The following PARVB variants were observed in gnomAD, a reference collection of about 807,000 sequenced individuals.
The protein encoded by PARVB is parvin beta, also known as beta-parvin.
PARVB carries 46 observed loss-of-function variants against 47.0 expected under a neutral mutation model. The observed-to-expected ratio is 0.98, with a 90% CI of 0.77 to 1.25. PARVB has a LOEUF of 1.25. Among genes scored for constraint, PARVB ranks in the 50% most tolerant of loss-of-function variants. The pLI, the probability that PARVB is intolerant of heterozygous loss-of-function variation, is 0.00. For synonymous variants in PARVB, 196 were observed against 196.3 expected (o/e 1.00, Z 0.01); for missense variants, 473 against 471.6 (o/e 1.00, Z -0.03).
At chr22:44,009,705 AC>A (rs2050502615) in intron 2 of PARVB, among the ~76,000 whole-genome samples, 1 of 151,268 alleles carries the variant, frequency 6.6e-6, no homozygotes, top group Admixed American at 6.6e-5. Context: ...CCATTATTTA[AC>A]CCTTTAAAAA....
Position 44,075,248 on chromosome 22 carries a change from A to C in PARVB, c.113-18680A>C, listed in dbSNP as rs144154587. Among the ~76,000 whole-genome samples, 228 of 152,324 alleles carry C rather than the reference A, an allele frequency of 1.5e-3. 1 individual carries two copies. The highest frequency in any genetic ancestry group is 5.2e-3 in the African/African-American group (216 of 41,582). Reference sequence around the variant, plus strand: ...AACACGCACGCACATGCACGCATGCATACACTCACTCATATGCACACATGT... The same window carrying C: ...AACACGCACGCACATGCACGCATGCCTACACTCACTCATATGCACACATGT... On this transcript the variant is annotated intron_variant, in intron 1 of 12. Coordinates refer to ENST00000338758, the MANE Select transcript of PARVB (RefSeq NM_013327.5).
chr22:44,058,982 G>T (rs183761543), intron 1 of PARVB, among the ~76,000 whole-genome samples: 5 of 71,682 alleles, frequency 7.0e-5, no homozygotes, highest in African/African-American at 2.1e-4. Context: ...GGGTGTGATG[G>T]GGGGGGGAAA....
At chr22:44,105,742 C>A (rs915007784) in intron 3 of PARVB, 2 of 152,224 alleles carry the variant, frequency 1.3e-5, no homozygotes, top group African/African-American at 4.8e-5. Context: ...GCAGCACCAA[C>A]ATGAGGTTCA....
intron 3 of PARVB, among the ~76,000 whole-genome samples, chr22:44,102,557 G>C (rs2052473115): frequency 6.6e-6 from 1 of 152,156 alleles, no homozygotes; most frequent in Non-Finnish European, 1.5e-5. Flanking sequence ...AGGTGAAGGG[G>C]CTGGGCGCCA....
intron 2 of PARVB, among the ~76,000 whole-genome samples, chr22:44,006,911 T>TG (rs1401087462): frequency 6.6e-6 from 1 of 152,222 alleles, no homozygotes; most frequent in Non-Finnish European, 1.5e-5. Flanking sequence ...CCCCCTGTCA[T>TG]GCCCCGTGTG....
At chr22:44,030,512 AC>A (rs374576126) in intron 1 of PARVB, among the ~76,000 whole-genome samples, 52 of 151,200 alleles carry the variant, frequency 3.4e-4, no homozygotes, top group African/African-American at 1.2e-3. Flanking sequence ...GGAGCTTGGA[AC>A]CCTTGCTGGG....
At chr22:44,090,836 C>T (rs986033705) in intron 1 of PARVB, among the ~76,000 whole-genome samples, 1 of 152,228 alleles carries the variant, frequency 6.6e-6, no homozygotes, top group East Asian at 1.9e-4. Context: ...ATGGAACTTC[C>T]ACCCCGACCC....
chr22:44,026,430 G>A (rs1454603174), intron 1 of PARVB: 1 of 804,370 alleles, frequency 1.2e-6, no homozygotes, highest in Non-Finnish European at 1.5e-6. Flanking sequence ...GGCAAACAGA[G>A]GGCCACAAAC....
chr22:44,167,134 C>T (rs542973150), intron 12 of PARVB, among the ~76,000 whole-genome samples: 8 of 151,990 alleles, frequency 5.3e-5, no homozygotes, highest in Admixed American at 4.6e-4. Flanking sequence ...GGCCCCCTGC[C>T]CCCTTGTGGG....
chr22:44,070,477 G>C (rs1323286598), intron 1 of PARVB, among the ~76,000 whole-genome samples: 1 of 152,234 alleles, frequency 6.6e-6, no homozygotes, highest in African/African-American at 2.4e-5. Context: ...GAGGGACGCT[G>C]TGCCTGGGAC....
intron 1 of PARVB, among the ~76,000 whole-genome samples, chr22:44,079,266 G>A (rs1465854323): frequency 1.3e-5 from 2 of 152,142 alleles, no homozygotes; most frequent in African/African-American, 2.4e-5. Flanking sequence ...CTTGAATGAC[G>A]TCCATGCAGA....
intron 6 of PARVB, among the ~76,000 whole-genome samples, chr22:44,134,603 G>T (rs1467129204): frequency 6.6e-6 from 1 of 152,186 alleles, no homozygotes; most frequent in East Asian, 1.9e-4. Flanking sequence ...CGGGAGCAGG[G>T]GGTCCTGTGA....
intron 2 of PARVB, among the ~76,000 whole-genome samples, chr22:44,012,020 A>G (rs1172127876): frequency 6.6e-6 from 1 of 152,176 alleles, no homozygotes; most frequent in Non-Finnish European, 1.5e-5. Context: ...TCTCCCACCC[A>G]CCTAAGAGGT....
chr22:44,164,022 T>G, intron 12 of PARVB, 92 bp downstream of exon 12: 1 of 924,396 alleles, frequency 1.1e-6, no homozygotes, highest in East Asian at 2.8e-5. Flanking sequence ...TGGCATGTTG[T>G]TCCCCAGATG....
intron 1 of PARVB, 80 bp downstream of exon 1, chr22:44,024,531 C>A (rs1160883789): frequency 1.6e-6 from 1 of 617,834 alleles, no homozygotes; most frequent in Non-Finnish European, 2.1e-6. Flanking sequence ...CCCACGAGGC[C>A]GCCCCCGCCC....
At chr22:44,158,576 A>AT (rs201445058) in intron 11 of PARVB, among the ~76,000 whole-genome samples, 81 of 150,700 alleles carry the variant, frequency 5.4e-4, no homozygotes, top group Middle Eastern at 3.4e-3. Context: ...TTTGATACAG[A>AT]TTTTTTTTTT....
At chr22:44,069,968 A>G (rs542380305) in intron 1 of PARVB, among the ~76,000 whole-genome samples, 1 of 152,258 alleles carries the variant, frequency 6.6e-6, no homozygotes, top group East Asian at 1.9e-4. Context: ...GGTGCTTTGC[A>G]CTGGGCATGC....
chr22:44,071,929 C>A (rs1442264410), intron 1 of PARVB, among the ~76,000 whole-genome samples: 1 of 152,352 alleles, frequency 6.6e-6, no homozygotes, highest in East Asian at 1.9e-4. Flanking sequence ...GGAGGCGCAG[C>A]TGGGCGGCCT....
At chr22:44,062,682 C>T (rs1197530454) in intron 1 of PARVB, among the ~76,000 whole-genome samples, 1 of 151,918 alleles carries the variant, frequency 6.6e-6, no homozygotes, top group Non-Finnish European at 1.5e-5. Context: ...ATTTGTGCTC[C>T]CTGGTCTATT....
Sources: allele counts gnomAD v4.1 joint callset (sites outside exome capture counted in the v4.1 genomes callset), GRCh38; gene constraint gnomAD v4.1.1; transcripts MANE v1.5; gene names NCBI Gene and HGNC (gene_info 2026-07-23, HGNC 2026-07-21).